The following MALRD1 variants were observed in gnomAD, a reference collection of about 807,000 sequenced individuals.
MALRD1 encodes the protein MAM and LDL-receptor class A domain-containing protein 1.
A neutral mutation model predicts 242.1 loss-of-function variants in MALRD1; 247 were observed. The ratio of observed to expected loss-of-function variants is 1.02; its 90% CI spans 0.92 to 1.13. MALRD1 has a LOEUF of 1.13. MALRD1 is among the 50% of genes most tolerant of loss of function. The pLI is 0.00. For synonymous variants in MALRD1, 995 were observed against 866.6 expected, an observed-to-expected ratio of 1.15 and a Z score of -2.60; for missense variants, 2,989 against 2,533.1, an observed-to-expected ratio of 1.18 and a Z score of -3.86.
In MALRD1 at chr10:19,194,168, G is replaced by A. The variant is rs184607990; in HGVS notation, c.1952-9560G>A. 1.9e-4 allele frequency among the ~76,000 whole-genome samples: 29 copies of A among 152,180 alleles called. 1 individual carries two copies. The highest frequency in any genetic ancestry group is 1.4e-3 in the Admixed American group (22 of 15,280). ...CATGAGCTGACTAATACAATTTCAC[G>A]TTTCAAACGCAATTGTGGGTGCTCC... On this transcript the variant is annotated intron_variant, in intron 14 of 39. Coordinates refer to ENST00000454679, the MANE Select transcript of MALRD1 (RefSeq NM_001142308.3).
chr10:19,520,480 C>G (rs974627605), intron 31 of MALRD1, among the ~76,000 whole-genome samples: 1 of 152,094 alleles, frequency 6.6e-6, no homozygotes, highest in African/African-American at 2.4e-5. Context: ...TTTAGAAATA[C>G]AAGTATTCTA....
chr10:19,486,101 A>G (rs1837226835), intron 29 of MALRD1, among the ~76,000 whole-genome samples: 1 of 151,476 alleles, frequency 6.6e-6, no homozygotes, highest in Admixed American at 6.6e-5. Context: ...AAAGAAGGAG[A>G]GATTGTTTTT....
chr10:19,091,746 T>C lies in MALRD1; in HGVS notation c.597+3561T>C, dbSNP rs1169786194. On this transcript the variant is annotated intron_variant, in intron 4 of 39. Transcript: ENST00000454679. ...GCATTTAGTGCTATAAATTTCCCTG[T>C]ACACACTGCTTTGAATGTGTCCCAG... is the stretch of plus-strand genomic sequence containing the variant. 2.2e-5 allele frequency among the ~76,000 whole-genome samples: 2 copies of C among 92,666 alleles called. 1 individual carries two copies. Among genetic ancestry groups the C allele is most frequent in the African/African-American group, 9.9e-5 (2 of 20,278 alleles). The allele number at this position is 92,666 out of a possible 152,430, so 60.8% of individuals were successfully genotyped here. A position where few individuals can be genotyped will look rare whatever the true frequency, so the allele number is the denominator to read the frequency against.
In MALRD1 at chr10:19,710,982, A is replaced by G. The variant is rs553727687; in HGVS notation, c.6314+18428A>G. On this transcript the variant is annotated intron_variant, in intron 38 of 39. Transcript: ENST00000454679. Reference sequence around the variant, plus strand: ...ACAGTAAAAAGAAGTGAGGTGTTTTATTAGTAGTAAGTTATATAGTTTTCC... The same window carrying G: ...ACAGTAAAAAGAAGTGAGGTGTTTTGTTAGTAGTAAGTTATATAGTTTTCC... 4 of 152,344 alleles carry G rather than the reference A, an allele frequency of 2.6e-5. No individual in the cohort carries two copies. In the East Asian group the frequency reaches 5.8e-4, roughly 22 times the overall value. The allele number at this position is 152,344 out of a possible 1,614,324, so 9.4% of individuals were successfully genotyped here.
At chr10:19,169,040 T>G (rs1454152560) in intron 13 of MALRD1, among the ~76,000 whole-genome samples, 1 of 152,110 alleles carries the variant, frequency 6.6e-6, no homozygotes, top group Non-Finnish European at 1.5e-5. Context: ...AATCAGCAAT[T>G]TAGAAAATTA....
In MALRD1 at chr10:19,526,369, CAT is replaced by C. The variant is rs776392530; in HGVS notation, c.5321-4810_5321-4809del. 2.4e-4 allele frequency among the ~76,000 whole-genome samples: 34 copies of C among 143,762 alleles called. No homozygotes were observed. In the East Asian group the frequency reaches 2.9e-3, roughly 12 times the overall value. The allele number at this position is 143,762 out of a possible 152,430, so 94.3% of individuals were successfully genotyped here. On this transcript the variant is annotated intron_variant, in intron 31 of 39. Coordinates refer to ENST00000454679, the MANE Select transcript of MALRD1 (RefSeq NM_001142308.3). Reference sequence around the variant, plus strand: ...TTTATGATTCTCCAAAAAAAAAATACATATATATATATATATGTCATCACAAA... The same window carrying C: ...TTTATGATTCTCCAAAAAAAAAATACATATATATATATATGTCATCACAAA...
chr10:19,194,536 G>A lies in MALRD1; in HGVS notation c.1952-9192G>A, dbSNP rs189638689. On this transcript the variant is annotated intron_variant, in intron 14 of 39. Transcript: ENST00000454679. ...GTCAGTCTATTACCATACACGAGCT[G>A]TCTGGACACTTCTATACTTTCTGCT... 2.5e-3 allele frequency among the ~76,000 whole-genome samples: 375 copies of A among 152,108 alleles called. 2 individuals carry two copies. The highest frequency in any genetic ancestry group is 1.9e-3 in the Non-Finnish European group (132 of 67,998).
At chr10:19,390,586 G>A (rs145915507) in intron 28 of MALRD1, among the ~76,000 whole-genome samples, 89 of 152,164 alleles carry the variant, frequency 5.8e-4, no homozygotes, top group East Asian at 4.1e-3. Context: ...ATATGTGCAC[G>A]TGCAGGTATG....
chr10:19,524,641 A>G (rs1360718786), intron 31 of MALRD1, among the ~76,000 whole-genome samples: 2 of 152,094 alleles, frequency 1.3e-5, no homozygotes, highest in Non-Finnish European at 2.9e-5. Context: ...ACTCTGAAGA[A>G]TGGAGCTTTT....
chr10:19,454,472 A>G (rs1835527716), intron 29 of MALRD1, among the ~76,000 whole-genome samples: 1 of 142,828 alleles, frequency 7.0e-6, no homozygotes, highest in Non-Finnish European at 1.5e-5. Flanking sequence ...ATATATCTAT[A>G]TATAATGGTA....
intron 28 of MALRD1, among the ~76,000 whole-genome samples, chr10:19,405,751 A>C (rs911327053): frequency 9.2e-5 from 14 of 152,176 alleles, no homozygotes; most frequent in Middle Eastern, 3.2e-3. Flanking sequence ...CATTCCTTTG[A>C]ATCTTTTAAA....
chr10:19,638,980 G>GT (rs1840268056), intron 36 of MALRD1, among the ~76,000 whole-genome samples: 3 of 151,932 alleles, frequency 2.0e-5, no homozygotes, highest in Non-Finnish European at 4.4e-5. Flanking sequence ...TCTCGGGGTT[G>GT]TTTGGGGGTG....
intron 14 of MALRD1, among the ~76,000 whole-genome samples, chr10:19,197,779 T>C (rs1293258981): frequency 6.6e-6 from 1 of 152,204 alleles, no homozygotes; most frequent in Non-Finnish European, 1.5e-5. Context: ...CCATTACTTA[T>C]TTATCTTGTG....
At chr10:19,523,192 A>G (rs1833955330) in intron 31 of MALRD1, among the ~76,000 whole-genome samples, 1 of 152,182 alleles carries the variant, frequency 6.6e-6, no homozygotes, top group Non-Finnish European at 1.5e-5. Context: ...CACATACCTA[A>G]TAAGTGGTAG....
rs192840131 is a variant in MALRD1 at position 19,243,900 on chromosome 10, A to T, written c.2992-13784A>T. 3.3e-5 allele frequency among the ~76,000 whole-genome samples: 5 copies of T among 151,834 alleles called. No homozygotes were observed. In the East Asian group the frequency reaches 7.7e-4, roughly 23 times the overall value. ...AATAGAATATGTTGAGACATAGGCC[A>T]TTAACACAAAAGAGAAAGAAATGCA... On this transcript the variant is annotated intron_variant, in intron 18 of 39. Coordinates refer to ENST00000454679, the MANE Select transcript of MALRD1 (RefSeq NM_001142308.3).
intron 5 of MALRD1, among the ~76,000 whole-genome samples, chr10:19,117,299 G>A (rs1836904991): frequency 6.6e-6 from 1 of 152,084 alleles, no homozygotes; most frequent in Non-Finnish European, 1.5e-5. Context: ...CTGGTTTTAT[G>A]GTTGTAAATT....
At chr10:19,208,990 T>C (rs139366544) in intron 17 of MALRD1, among the ~76,000 whole-genome samples, 9 of 152,264 alleles carry the variant, frequency 5.9e-5, no homozygotes, top group Non-Finnish European at 1.3e-4. Flanking sequence ...GTTATGGTCA[T>C]AGAAATGGAG....
intron 31 of MALRD1, among the ~76,000 whole-genome samples, chr10:19,529,915 A>G (rs983416819): frequency 6.6e-6 from 1 of 152,136 alleles, no homozygotes; most frequent in African/African-American, 2.4e-5. Context: ...CCAAGAAGAC[A>G]AAACATAGAA....
At chr10:19,474,615 A>T (rs3904487) in intron 29 of MALRD1, among the ~76,000 whole-genome samples, 147,676 of 152,080 alleles carry the variant, frequency 0.97, 71,720 homozygotes, top group East Asian at 1. Flanking sequence ...AATTTTAATA[A>T]CATCTGCTAA....
Sources: gnomAD v4.1 joint callset for allele counts (sites outside exome capture counted in the v4.1 genomes callset) on GRCh38, gnomAD v4.1.1 for gene constraint, MANE v1.5 for transcripts, NCBI Gene and HGNC (gene_info 2026-07-23, HGNC 2026-07-21) for gene names.